Variants in NHS observed in about 807,000 individuals in gnomAD.
The protein encoded by NHS is NHS actin remodeling regulator, also known as actin remodeling regulator NHS.
NHS carries 5 observed loss-of-function variants against 72.5 expected under a neutral mutation model. The observed-to-expected ratio is 0.07, with a 90% CI of 0.04 to 0.14. The LOEUF is 0.14. Ranked by LOEUF, NHS falls within the 10% of genes least tolerant of loss-of-function variation. NHS has a pLI of 1.00. For synonymous variants in NHS, 464 were observed against 547.7 expected, an observed-to-expected ratio of 0.85 and a Z score of 2.13; for missense variants, 1,072 against 1,355.7, an observed-to-expected ratio of 0.79 and a Z score of 3.29.
At chrX:17,635,378 C>T (rs2065840566) in intron 1 of NHS, 2 of 1,145,671 alleles carry the variant, frequency 1.7e-6, no homozygotes, top group Non-Finnish European at 2.3e-6. Context: ...AGGGGGGAGT[C>T]CTAGATGCAG....
intron 1 of NHS, among the ~76,000 whole-genome samples, chrX:17,638,999 C>T (rs1334702322): frequency 2.7e-5 from 3 of 111,706 alleles, no homozygotes; most frequent in African/African-American, 6.5e-5. Context: ...GAATTGAGCA[C>T]GCCAAGGCAA....
Position 17,527,438 on chromosome X carries a change from C to T in NHS, c.565+151116C>T, listed in dbSNP as rs568635852. The stretch of plus-strand genomic sequence containing the variant: ...ACGCCAAATGCCCTTGAGCACTGTG[C>T]CAGCCCTCTTGACTGGAAGCTGGGG... On this transcript the variant is annotated intron_variant, in intron 1 of 8. Transcript: ENST00000676302. Among the ~76,000 whole-genome samples, 3 of 113,121 alleles carry T rather than the reference C, an allele frequency of 2.7e-5. No homozygotes were observed. The South Asian group carries it at 1.1e-3, about 41-fold the overall frequency.
At chrX:17,555,252 T>G (rs1474078890) in intron 1 of NHS, among the ~76,000 whole-genome samples, 3 of 106,442 alleles carry the variant, frequency 2.8e-5, no homozygotes, top group Non-Finnish European at 5.8e-5. Flanking sequence ...TTTCAAACCT[T>G]GGTTTGGATT....
chrX:17,398,839 A>G (rs2064488753), intron 1 of NHS, among the ~76,000 whole-genome samples: 1 of 112,130 alleles, frequency 8.9e-6, no homozygotes, highest in South Asian at 3.7e-4. Flanking sequence ...ACCAGTTAAC[A>G]CTTAGGGAGT....
chrX:17,450,310 T>C (rs1441058303), intron 1 of NHS, among the ~76,000 whole-genome samples: 1 of 111,948 alleles, frequency 8.9e-6, no homozygotes, highest in Admixed American at 9.5e-5. Context: ...TTCATGCCCC[T>C]CTCCCCCAGA....
chrX:17,543,915 A>T (rs776329334), intron 1 of NHS, among the ~76,000 whole-genome samples: 1 of 112,111 alleles, frequency 8.9e-6, no homozygotes, highest in East Asian at 2.8e-4. Flanking sequence ...AGATAAAGAG[A>T]TGGAGCTGCG....
At chrX:17,567,183 C>T (rs2065448618) in intron 1 of NHS, among the ~76,000 whole-genome samples, 1 of 111,894 alleles carries the variant, frequency 8.9e-6, no homozygotes, top group Non-Finnish European at 1.9e-5. Context: ...CCAATTGGGC[C>T]CATGAGTGGT....
rs1341160992 is a variant in NHS at position 17,493,128 on chromosome X, T to C, written c.565+116806T>C. ...TGAACCAGCTTCAACTATTACCAAC[T>C]CACAGCCAATATTGTTTCACCTATA... On this transcript the variant is annotated intron_variant, in intron 1 of 8. Coordinates refer to ENST00000676302, the MANE Select transcript of NHS (RefSeq NM_001291867.2). 5.3e-5 allele frequency among the ~76,000 whole-genome samples: 6 copies of C among 112,283 alleles called. No individual in the cohort carries two copies. The South Asian group carries it at 1.9e-3, about 35-fold the overall frequency.
At chrX:17,387,681 T>C (rs1439590400) in intron 1 of NHS, among the ~76,000 whole-genome samples, 2 of 112,289 alleles carry the variant, frequency 1.8e-5, no homozygotes, top group East Asian at 5.6e-4. Flanking sequence ...GTTAAGAGAG[T>C]AGACTCTGAA....
At position 17,724,353 on chromosome X, in the gene NHS, C is replaced by T. The variant is rs150689121; in HGVS notation, c.1163C>T (p.Ser388Leu). ...CGCTGCTCTCTGGTTCATTCACAAT[C>T]GGTACTACAGCGGAGACGAAAATTG... Reference protein sequence around the residue: ...SIRCSLVHSQSVLQRRRKLRR... With the variant: ...SIRCSLVHSQLVLQRRRKLRR... Residue 388 changes from serine (S) to leucine (L), a missense_variant, in exon 6 of 9, where the codon TCG becomes TTG. Physicochemically the swap from Ser to Leu is moderately radical, Grantham distance 145. Transcript: ENST00000676302. 8.4e-5 allele frequency: 102 copies of T among 1,210,074 alleles called. No individual in the cohort carries two copies. Among genetic ancestry groups the T allele is most frequent in the Non-Finnish European group, 1.1e-4 (95 of 895,135 alleles).
intron 3 of NHS, among the ~76,000 whole-genome samples, chrX:17,707,250 CAAAA>C (rs2066301764): frequency 8.9e-6 from 1 of 111,795 alleles, no homozygotes; most frequent in African/African-American, 3.3e-5. Flanking sequence ...GCCCCTATGG[CAAAA>C]GTTGATTTGG....
rs770421411 is a variant in NHS, at chrX:17,538,390, G to A, written c.566-149352G>A. 1.3e-4 allele frequency among the ~76,000 whole-genome samples: 15 copies of A among 111,641 alleles called. No homozygotes were observed. In the South Asian group the frequency reaches 2.3e-3, roughly 17 times the overall value. On this transcript the variant is annotated intron_variant, in intron 1 of 8. Coordinates refer to ENST00000676302, the MANE Select transcript of NHS (RefSeq NM_001291867.2). ...GGGCCTGGAGAGGTAACACAGGGAC[G>A]AGAAGGAAGCTGACATAGGTGCACT...
chrX:17,684,003 G>T (rs1042396898), intron 1 of NHS, among the ~76,000 whole-genome samples: 2 of 111,791 alleles, frequency 1.8e-5, no homozygotes, highest in Non-Finnish European at 3.8e-5. Flanking sequence ...CATGGGGGCT[G>T]GTTTTTCCAA....
rs530327557 is a variant in NHS at position 17,459,346 on chromosome X, C to A, written c.565+83024C>A. 1.6e-3 allele frequency among the ~76,000 whole-genome samples: 175 copies of A among 111,573 alleles called. 1 individual carries two copies. In the South Asian group the frequency reaches 0.018, roughly 11 times the overall value. ...AAATGGTGAGCAACTGAGCATGAAA[C>A]CTGATGGGAACCAAGTGAATGGGCC... On this transcript the variant is annotated intron_variant, in intron 1 of 8. Coordinates refer to ENST00000676302, the MANE Select transcript of NHS (RefSeq NM_001291867.2).
chrX:17,561,566 G>GCACACA (rs1287457429), intron 1 of NHS, among the ~76,000 whole-genome samples: 8 of 69,115 alleles, frequency 1.2e-4, no homozygotes, highest in East Asian at 5.5e-4. Flanking sequence ...ATGCGCGCGC[G>GCACACA]CGCGCGCGCA....
At chrX:17,591,121 T>C (rs1339064643) in intron 1 of NHS, among the ~76,000 whole-genome samples, 3 of 112,053 alleles carry the variant, frequency 2.7e-5, no homozygotes, top group Non-Finnish European at 5.6e-5. Context: ...TGGAACCTGG[T>C]ACCCATGTTA....
At chrX:17,490,573 TG>T (rs774228697) in intron 1 of NHS, among the ~76,000 whole-genome samples, 2 of 112,553 alleles carry the variant, frequency 1.8e-5, no homozygotes, top group East Asian at 5.5e-4. Flanking sequence ...CCTCCAGCTT[TG>T]TTCTTTTTCT....
At chrX:17,654,768 A>G (rs1426927029) in intron 1 of NHS, among the ~76,000 whole-genome samples, 2 of 112,734 alleles carry the variant, frequency 1.8e-5, no homozygotes, top group Non-Finnish European at 3.7e-5. Flanking sequence ...TCATCTTTGG[A>G]TAATTTCATT....
chrX:17,580,364 C>A (rs920690523), intron 1 of NHS, among the ~76,000 whole-genome samples: 1 of 111,962 alleles, frequency 8.9e-6, no homozygotes, highest in Non-Finnish European at 1.9e-5. Flanking sequence ...GCACCTACTA[C>A]GTACCACACA....
Sources: allele counts gnomAD v4.1 joint callset (sites outside exome capture counted in the v4.1 genomes callset), GRCh38; gene constraint gnomAD v4.1.1; transcripts MANE v1.5; gene names NCBI Gene and HGNC (gene_info 2026-07-23, HGNC 2026-07-21).